Variants in DDX24 observed in about 807,000 individuals in gnomAD.
DDX24 encodes ATP-dependent RNA helicase DDX24.
A neutral mutation model predicts 68.9 loss-of-function variants in DDX24; 24 were observed. The ratio of observed to expected loss-of-function variants is 0.35; its 90% CI spans 0.25 to 0.49. The LOEUF (loss-of-function observed/expected upper bound fraction) is 0.49, where lower values mean the gene tolerates loss of function less well. Among genes scored for constraint, DDX24 ranks in the 20% least tolerant of loss-of-function variants. DDX24 has a pLI of 0.99. For missense variants in DDX24, 989 were observed against 1,039.0 expected (o/e 0.95, Z 0.66); for synonymous variants, 395 against 385.2 (o/e 1.03, Z -0.30).
At chr14:94,067,374 A>C (rs1330469454) in intron 2 of DDX24, among the ~76,000 whole-genome samples, 1 of 152,176 alleles carries the variant, frequency 6.6e-6, no homozygotes, top group Non-Finnish European at 1.5e-5. Flanking sequence ...GGTGTACCTG[A>C]GGAAGGAGAG....
chr14:94,068,418 G>T (rs1476131983), intron 2 of DDX24, among the ~76,000 whole-genome samples: 1 of 152,124 alleles, frequency 6.6e-6, no homozygotes, highest in Non-Finnish European at 1.5e-5. Flanking sequence ...AATAGTGGGG[G>T]ACTTCAATAC....
rs562025249 is a variant in DDX24 at position 94,062,538 on chromosome 14, T to C, written c.802A>G (p.Ser268Gly). The change falls in exon 3 of 9, where the codon AGT (serine) becomes GGT (glycine). Residue 268 changes from serine (S) to glycine (G), a missense_variant. Ser to Gly is a moderately conservative substitution (Grantham distance 56, BLOSUM62 0). Transcript: ENST00000621632. ...WQKRNAAPPP[S>G]NTEAPPGETR... ...TCTCCAGGTGGTGCTTCGGTGTTAC[T>C]TGGAGGAGGGGCAGCATTCCTCTTC... 2.1e-5 allele frequency: 34 copies of C among 1,614,072 alleles called. No individual in the cohort carries two copies. The highest frequency in any genetic ancestry group is 1.3e-4 in the East Asian group (6 of 44,904).
chr14:94,060,636 A>G (rs962717878), intron 4 of DDX24, 23 bp from the exon 5 acceptor site: 3 of 1,606,014 alleles, frequency 1.9e-6, no homozygotes, highest in African/African-American at 2.7e-5. Context: ...AGAGACCCAT[A>G]TCATTGGTCA....
intron 3 of DDX24, among the ~76,000 whole-genome samples, chr14:94,061,524 T>C (rs1885596576): frequency 1.3e-5 from 2 of 152,350 alleles, no homozygotes; most frequent in South Asian, 4.1e-4. Flanking sequence ...CATAGTATCA[T>C]GTGGGTAAAG....
chr14:94,074,109 G>A (rs1356471404), intron 2 of DDX24, among the ~76,000 whole-genome samples: 1 of 151,304 alleles, frequency 6.6e-6, no homozygotes, highest in African/African-American at 2.4e-5. Context: ...AAGTAAATTT[G>A]TAGTCAAAAA....
rs769942569 is a variant in DDX24 at position 94,062,582 on chromosome 14, T to C, written c.758A>G (p.His253Arg). 1.2e-6 allele frequency: 2 copies of C among 1,608,226 alleles called. No individual in the cohort carries two copies. Among genetic ancestry groups the C allele is most frequent in the South Asian group, 1.1e-5 (1 of 89,618 alleles). Residue 253 changes from histidine (H) to arginine (R), a missense_variant, in exon 3 of 9, where the codon CAT becomes CGT. His to Arg is a conservative substitution (Grantham distance 29). Coordinates refer to ENST00000621632, the MANE Select transcript of DDX24 (RefSeq NM_020414.4). ...KTLAFAIPMIHAVLQWQKRNA... is the reference protein window; with the variant it reads ...KTLAFAIPMIRAVLQWQKRNA... The stretch of plus-strand genomic sequence containing the variant: ...CCTCTTCTGCCACTGCAACACCGCA[T>C]GAATCATTGGGATGGCAAAGGCAAG...
At chr14:94,051,629 TAAC>T in intron 8 of DDX24, 167 bp from the exon 9 acceptor site, 1 of 769,882 alleles carries the variant, frequency 1.3e-6, no homozygotes, top group Non-Finnish European at 2.0e-6. Flanking sequence ...TGTAAATGGA[TAAC>T]GTCTAACCAT....
chr14:94,058,300 GC>G (rs1439173492), intron 5 of DDX24, among the ~76,000 whole-genome samples: 8 of 152,206 alleles, frequency 5.3e-5, no homozygotes, highest in African/African-American at 1.9e-4. Flanking sequence ...TCACCTCCAA[GC>G]CTTTGCACTT....
intron 8 of DDX24, among the ~76,000 whole-genome samples, chr14:94,052,048 G>GC (rs1440303739): frequency 6.6e-6 from 1 of 152,270 alleles, no homozygotes; most frequent in Non-Finnish European, 1.5e-5. Context: ...TTCGGCCCAA[G>GC]CCCCAACCCT....
chr14:94,069,034 T>G (rs1885773120), intron 2 of DDX24, among the ~76,000 whole-genome samples: 1 of 151,510 alleles, frequency 6.6e-6, no homozygotes, highest in African/African-American at 2.4e-5. Context: ...TAAATGAAAT[T>G]GAAACAAACA....
At chr14:94,070,103 A>G (rs1292080112) in intron 2 of DDX24, among the ~76,000 whole-genome samples, 2 of 152,214 alleles carry the variant, frequency 1.3e-5, no homozygotes, top group Non-Finnish European at 2.9e-5. Context: ...ATGATCATTT[A>G]CCTTGAAAAT....
chr14:94,067,096 CAAG>C (rs1285184765), intron 2 of DDX24, among the ~76,000 whole-genome samples: 2 of 152,058 alleles, frequency 1.3e-5, no homozygotes, highest in African/African-American at 4.8e-5. Context: ...AAAAATGATA[CAAG>C]AAGTGGAGGG....
At chr14:94,073,770 G>A (rs900866460) in intron 2 of DDX24, among the ~76,000 whole-genome samples, 1 of 152,090 alleles carries the variant, frequency 6.6e-6, no homozygotes, top group Non-Finnish European at 1.5e-5. Flanking sequence ...GTGGCCGGGT[G>A]TGGCGGCTCA....
At chr14:94,077,512 T>G (rs1456153933) in intron 2 of DDX24, among the ~76,000 whole-genome samples, 1 of 152,200 alleles carries the variant, frequency 6.6e-6, no homozygotes, top group Non-Finnish European at 1.5e-5. Flanking sequence ...CCATTTCAGT[T>G]GTGTAATTTT....
In DDX24 at chr14:94,061,001, G is replaced by A. The variant is rs755376189; in HGVS notation, c.1309C>T (p.Arg437Cys). 41 of 1,614,062 alleles carry A rather than the reference G, an allele frequency of 2.5e-5. No individual in the cohort carries two copies. In the East Asian group the frequency reaches 3.8e-4, roughly 15 times the overall value. Residue 437 changes from arginine (R) to cysteine (C), a missense_variant, in exon 4 of 9, where the codon CGT (arginine) becomes TGT (cysteine). Physicochemically the swap from Arg to Cys is radical, Grantham distance 180 (BLOSUM62 -3). Around this residue, in one of 3 missense-constraint regions of DDX24, gnomAD observed 691 missense variants for 760.0 expected, o/e 0.91. Transcript: ENST00000621632. ...GGAGTAGCAACCACAATCTCAGGAC[G>A]ACGGTTCAGCATCCTCTGCTGTTTC... Reference protein sequence around the residue: ...TQKQQRMLNRRPEIVVATPGR... With the variant: ...TQKQQRMLNRCPEIVVATPGR...
Position 94,053,099 on chromosome 14 carries a change from T to C in DDX24, c.2207A>G (p.Glu736Gly). 6.2e-7 allele frequency: 1 copy of C among 1,614,194 alleles called. No homozygotes were observed. Among genetic ancestry groups the C allele is most frequent in the Non-Finnish European group, 8.5e-7 (1 of 1,180,046 alleles). The change falls in exon 8 of 9, where the codon GAG becomes GGG. Residue 736 changes from glutamate to glycine, a missense_variant. Glu to Gly is a moderately conservative substitution (Grantham distance 98). Coordinates refer to ENST00000621632, the MANE Select transcript of DDX24 (RefSeq NM_020414.4). ...KERIRLARQI[E>G]KSEYRNFQAC... ...CTGGAAGTTCCGATACTCAGATTTC[T>C]CAATCTGTCGAGCTAAACGGATTCG...
intron 2 of DDX24, among the ~76,000 whole-genome samples, chr14:94,072,567 C>T (rs28831709): frequency 0.32 from 48,338 of 152,100 alleles, 7,852 homozygotes; most frequent in Admixed American, 0.39. Flanking sequence ...CAGTGGCTCA[C>T]GCCTGTAATC....
intron 2 of DDX24, among the ~76,000 whole-genome samples, chr14:94,065,384 G>GACAC (rs58390384): frequency 0.044 from 6,435 of 147,260 alleles, 431 homozygotes; most frequent in African/African-American, 0.15. Flanking sequence ...CTCTCTCTCT[G>GACAC]ACACACACAC....
At chr14:94,079,793 G>C (rs769074285) in intron 1 of DDX24, 46 bp from the exon 2 acceptor site, 2 of 1,548,274 alleles carry the variant, frequency 1.3e-6, no homozygotes, top group African/African-American at 2.7e-5. Flanking sequence ...CTGAGAAGCA[G>C]AGGGTTCTGA....
Sources: gnomAD v4.1 joint callset for allele counts (sites outside exome capture counted in the v4.1 genomes callset) on GRCh38, gnomAD v4.1.1 for gene constraint, gnomAD v4.1.1 regional missense constraint, MANE v1.5 for transcripts, NCBI Gene and HGNC (gene_info 2026-07-23, HGNC 2026-07-21) for gene names.